The following GPX5 variants were observed in gnomAD, a reference collection of about 807,000 sequenced individuals.
The protein encoded by GPX5 is glutathione peroxidase 5.
Under a neutral mutation model 23.8 loss-of-function variants are expected in GPX5, and 20 were observed. The observed-to-expected ratio is 0.84, with a 90% confidence interval of 0.59 to 1.22. The LOEUF (loss-of-function observed/expected upper bound fraction) is 1.22. Among genes scored for constraint, GPX5 ranks in the 50% most tolerant of loss-of-function variants. GPX5 has a pLI of 0.00. For synonymous variants in GPX5, 92 were observed against 99.5 expected, an observed-to-expected ratio of 0.92 and a Z score of 0.45; for missense variants, 230 against 266.6, an observed-to-expected ratio of 0.86 and a Z score of 0.96.
chr6:28,530,418 T>G (rs1763291240), intron 2 of GPX5, among the ~76,000 whole-genome samples: 1 of 152,212 alleles, frequency 6.6e-6, no homozygotes, highest in African/African-American at 2.4e-5. Flanking sequence ...TTTAATTATG[T>G]TTTGAATAAG....
At position 28,533,952 on chromosome 6, in the gene GPX5, C is replaced by T; in HGVS notation, c.460-9C>T. On this transcript the variant is annotated splice_polypyrimidine_tract_variant and intron_variant, in intron 4 of 4. Coordinates refer to ENST00000412168, the MANE Select transcript of GPX5 (RefSeq NM_001509.3). ...AACATTGTTTCTCTTTTCCATCTCTCTGGTTTAGCACTCCTGTCCTCATCC... is the reference window on the plus strand; with the variant it reads ...AACATTGTTTCTCTTTTCCATCTCTTTGGTTTAGCACTCCTGTCCTCATCC... 6 of 1,488,604 alleles carry T rather than the reference C, an allele frequency of 4.0e-6. No homozygotes were observed. The highest frequency in any genetic ancestry group is 5.4e-6 in the Non-Finnish European group (6 of 1,114,802). The allele number at this position is 1,488,604 out of a possible 1,614,324, so 92.2% of individuals were successfully genotyped here. A position where few individuals can be genotyped will look rare whatever the true frequency, so the allele number is the denominator to read the frequency against.
At chr6:28,532,048 C>T (rs957523455) in intron 3 of GPX5, among the ~76,000 whole-genome samples, 153 bp downstream of exon 3, 6 of 152,048 alleles carry the variant, frequency 3.9e-5, no homozygotes, top group Admixed American at 2.0e-4. Flanking sequence ...CCGTGATGAG[C>T]GTCTGGCAGT....
chr6:28,529,298 C>T (rs16894143), intron 1 of GPX5, 153 bp from the exon 2 acceptor site: 19,585 of 501,122 alleles, frequency 0.039, 592 homozygotes, highest in African/African-American at 0.098. Context: ...GTTACAAGAA[C>T]CAAGTTTCAG....
At chr6:28,531,729 C>A in intron 2 of GPX5, 49 bp from the exon 3 acceptor site, 1 of 1,239,186 alleles carries the variant, frequency 8.1e-7, no homozygotes, top group Non-Finnish European at 1.2e-6. Flanking sequence ...CATCCTTGCA[C>A]AAGGCAGAAC....
At chr6:28,531,288 T>C (rs565358890) in intron 2 of GPX5, among the ~76,000 whole-genome samples, 2 of 147,772 alleles carry the variant, frequency 1.4e-5, no homozygotes, top group East Asian at 4.0e-4. Flanking sequence ...GGAGAATCAC[T>C]TGGATCTGGG....
chr6:28,527,161 G>A (rs1386241729), intron 1 of GPX5: 1 of 152,096 alleles, frequency 6.6e-6, no homozygotes, highest in Non-Finnish European at 1.5e-5. Flanking sequence ...AAGTAAACTG[G>A]ACTAAAGGAA....
intron 4 of GPX5, 137 bp downstream of exon 4, chr6:28,532,557 T>C: frequency 1.6e-6 from 1 of 622,834 alleles, no homozygotes; most frequent in East Asian, 3.2e-5. Context: ...CAGATCAGCA[T>C]TCCACATTGC....
chr6:28,533,941 T>C lies in GPX5; in HGVS notation c.460-20T>C. On this transcript the variant is annotated intron_variant, in intron 4 of 4. Coordinates refer to ENST00000412168, the MANE Select transcript of GPX5 (RefSeq NM_001509.3). The stretch of plus-strand genomic sequence containing the variant: ...GGAGCAGAAATAACATTGTTTCTCT[T>C]TTCCATCTCTCTGGTTTAGCACTCC... 6.9e-7 allele frequency: 1 copy of C among 1,452,178 alleles called. No individual in the cohort carries two copies. The highest frequency in any genetic ancestry group is 9.2e-7 in the Non-Finnish European group (1 of 1,088,948). 90.0% of individuals were successfully genotyped at this position (1,452,178 alleles called of 1,614,324 possible). A position where few individuals can be genotyped will look rare whatever the true frequency, so the allele number is the denominator to read the frequency against.
Position 28,531,910 on chromosome 6 carries a change from G to T in GPX5, c.359+15G>T, listed in dbSNP as rs756544928. On this transcript the variant is annotated intron_variant, in intron 3 of 4. Transcript: ENST00000412168. ...CCTGGGCTCAAGTACGTGTCTTCTT[G>T]AAATCCAATAGGAGGCGCCTGTGTA... The T allele has an allele frequency of 6.4e-7, 1 of 1,563,324 alleles. No homozygotes were observed. Among genetic ancestry groups the T allele is most frequent in the Non-Finnish European group, 8.8e-7 (1 of 1,134,336 alleles).
In GPX5 at chr6:28,534,138, G is replaced by C. The variant is rs1763381295; in HGVS notation, c.637G>C (p.Ala213Pro). Reference protein sequence around the residue: ...TVSSVKTDILAYLKQFKTK With the variant: ...TVSSVKTDILPYLKQFKTK ...CAGCTCAGTCAAGACAGACATCCTGGCGTACTTGAAGCAATTCAAAACCAA... is the reference window on the plus strand; with the variant it reads ...CAGCTCAGTCAAGACAGACATCCTGCCGTACTTGAAGCAATTCAAAACCAA... Residue 213 changes from alanine (A) to proline (P), a missense_variant, in exon 5 of 5, where the codon GCG (alanine) becomes CCG (proline). Physicochemically the swap from Ala to Pro is conservative, Grantham distance 27 (BLOSUM62 -1). Transcript: ENST00000412168. The C allele has an allele frequency of 1.9e-6, 3 of 1,602,480 alleles. No individual in the cohort carries two copies. The highest frequency in any genetic ancestry group is 1.3e-5 in the African/African-American group (1 of 74,482).
intron 1 of GPX5, among the ~76,000 whole-genome samples, chr6:28,528,870 T>C (rs1272267905): frequency 5.4e-5 from 4 of 73,542 alleles, no homozygotes; most frequent in African/African-American, 1.9e-4. Flanking sequence ...TATATATATA[T>C]ATATATATAT....
At chr6:28,528,977 C>A (rs1763262164) in intron 1 of GPX5, among the ~76,000 whole-genome samples, 1 of 150,770 alleles carries the variant, frequency 6.6e-6, no homozygotes, top group East Asian at 1.9e-4. Context: ...CTTTGTGCTA[C>A]AAACAATCCA....
At chr6:28,531,603 G>A (rs1449090660) in intron 2 of GPX5, among the ~76,000 whole-genome samples, 175 bp from the exon 3 acceptor site, 2 of 152,032 alleles carry the variant, frequency 1.3e-5, no homozygotes, top group Admixed American at 6.6e-5. Context: ...TTGAGCGCAC[G>A]TCTGAAGATC....
At position 28,532,411 on chromosome 6, in the gene GPX5, T is replaced by C. The variant is rs1326264604; in HGVS notation, c.450T>C (p.Ser150=). 1.6e-5 allele frequency: 26 copies of C among 1,581,948 alleles called. No individual in the cohort carries two copies. Among genetic ancestry groups the C allele is most frequent in the Non-Finnish European group, 2.2e-5 (26 of 1,165,136 alleles). Residue 150 remains serine, a synonymous_variant, in exon 4 of 5, where the codon AGT becomes AGC. Coordinates refer to ENST00000412168, the MANE Select transcript of GPX5 (RefSeq NM_001509.3). The part of the protein sequence containing the change: ...VNGEKEQKVF[S]FLKHSCPHPS... ...GTGAAAAAGAACAGAAAGTCTTCAGTTTCTTGAAGGTGAGTAAATTCCTGG... is the reference window on the plus strand; with the variant it reads ...GTGAAAAAGAACAGAAAGTCTTCAGCTTCTTGAAGGTGAGTAAATTCCTGG...
intron 2 of GPX5, 44 bp downstream of exon 2, chr6:28,529,648 AGCT>A: frequency 7.2e-7 from 1 of 1,394,490 alleles, no homozygotes; most frequent in Non-Finnish European, 9.8e-7. Flanking sequence ...TAAATTTTCC[AGCT>A]GATCATATTC....
At chr6:28,531,930 T>G in intron 3 of GPX5, 35 bp downstream of exon 3, 14 of 1,401,162 alleles carry the variant, frequency 1.0e-5, no homozygotes, top group South Asian at 2.3e-5. Flanking sequence ...AGGAGGCGCC[T>G]GTGTACCTTT....
chr6:28,528,094 G>A (rs192782526), intron 1 of GPX5: 371 of 152,300 alleles, frequency 2.4e-3, no homozygotes, highest in African/African-American at 8.5e-3. Context: ...CTGATGAGCT[G>A]GGTGATGCTG....
At chr6:28,526,574 A>G (rs1763212576) in intron 1 of GPX5, among the ~76,000 whole-genome samples, 1 of 151,530 alleles carries the variant, frequency 6.6e-6, no homozygotes, top group Admixed American at 6.6e-5. Context: ...AGAGAAACAT[A>G]AAACATGAAA....
intron 1 of GPX5, among the ~76,000 whole-genome samples, chr6:28,526,581 GAA>G (rs28382591): frequency 6.7e-6 from 1 of 149,858 alleles, no homozygotes; most frequent in Non-Finnish European, 1.5e-5. Context: ...CATAAAACAT[GAA>G]AAAAAAAATC....
Sources: allele counts gnomAD v4.1 joint callset (sites outside exome capture counted in the v4.1 genomes callset), GRCh38; gene constraint gnomAD v4.1.1; transcripts MANE v1.5; gene names NCBI Gene and HGNC (gene_info 2026-07-23, HGNC 2026-07-21).